The following ADAMTS18 variants were observed in gnomAD, a reference collection of about 807,000 sequenced individuals.
ADAMTS18 encodes the protein A disintegrin and metalloproteinase with thrombospondin motifs 18.
In ADAMTS18, 157 loss-of-function variants were observed where a neutral mutation model predicts 165.9. The observed-to-expected ratio is 0.95, with a 90% confidence interval of 0.83 to 1.08. The LOEUF (loss-of-function observed/expected upper bound fraction) is 1.08. ADAMTS18 is among the 50% of genes least tolerant of loss of function. The probability of loss-of-function intolerance (pLI) is 0.00; values close to 1 mark genes in which losing one functional copy is unlikely to be tolerated. For synonymous variants in ADAMTS18, 782 were observed against 578.2 expected, an observed-to-expected ratio of 1.35 and a Z score of -5.06; for missense variants, 2,040 against 1,534.0, an observed-to-expected ratio of 1.33 and a Z score of -5.51.
intron 4 of ADAMTS18, among the ~76,000 whole-genome samples, chr16:77,366,720 C>G (rs147814804): frequency 2.6e-5 from 4 of 152,278 alleles, no homozygotes; most frequent in African/African-American, 9.6e-5. Flanking sequence ...AATTTATCAT[C>G]TGAATCGACT....
rs1239010585 is a variant in ADAMTS18, at chr16:77,431,345, T to C, written c.445A>G (p.Ile149Val). 6.2e-7 allele frequency: 1 copy of C among 1,614,152 alleles called. No individual in the cohort carries two copies. The highest frequency in any genetic ancestry group is 1.1e-5 in the South Asian group (1 of 91,076). ...EVQQCFYQGF[I>V]RNDSSSSVAV... ...ACAGAGGAGGAGCTGTCATTTCTGA[T>C]AAATCCCTGATAGAAGCATTGCTGC... Residue 149 changes from isoleucine to valine, a missense_variant, in exon 3 of 23, where the codon ATC becomes GTC. Transcript: ENST00000282849.
chr16:77,348,684 T>C (rs2056512159), intron 10 of ADAMTS18, among the ~76,000 whole-genome samples: 1 of 152,170 alleles, frequency 6.6e-6, no homozygotes, highest in African/African-American at 2.4e-5. Flanking sequence ...GAGTATCTGA[T>C]ATGACATCCA....
Position 77,297,449 on chromosome 16 carries a change from TAC to T in ADAMTS18, c.2675-36_2675-35del. On this transcript the variant is annotated intron_variant, in intron 17 of 22. Transcript: ENST00000282849. ...ACATCAGAAGTGACAAAGTGAAAAT[TAC>T]AGATTATTATTTCAATTTGGTTCTA... The T allele has an allele frequency of 2.5e-6, 4 of 1,590,092 alleles. No individual in the cohort carries two copies. The South Asian group carries it at 3.3e-5, about 13-fold the overall frequency.
intron 11 of ADAMTS18, among the ~76,000 whole-genome samples, chr16:77,338,370 G>A (rs2056344073): frequency 1.3e-5 from 2 of 151,928 alleles, no homozygotes; most frequent in Non-Finnish European, 2.9e-5. Flanking sequence ...GGAGTAGCTG[G>A]GATTACTGGC....
chr16:77,313,684 C>A (rs1004823143), intron 16 of ADAMTS18, among the ~76,000 whole-genome samples: 1 of 152,068 alleles, frequency 6.6e-6, no homozygotes, highest in Non-Finnish European at 1.5e-5. Context: ...ATGCATGTAC[C>A]CCTGTTTCCC....
rs553802261 is a variant in ADAMTS18 at position 77,334,607 on chromosome 16, CTATAGTA to C, written c.1859+1142_1859+1148del. 7.9e-3 allele frequency among the ~76,000 whole-genome samples: 859 copies of C among 108,524 alleles called. 12 individuals carry two copies. The highest frequency in any genetic ancestry group is 0.031 in the African/African-American group (808 of 26,398). The allele number at this position is 108,524 out of a possible 152,430, so 71.2% of individuals were successfully genotyped here. ...TATAGTATATAGTATATATATACTA[CTATAGTA>C]TATAGTATATATACTATAGTATATA... On this transcript the variant is annotated intron_variant, in intron 12 of 22. Coordinates refer to ENST00000282849, the MANE Select transcript of ADAMTS18 (RefSeq NM_199355.4).
rs2055427441 is a variant in ADAMTS18, at chr16:77,294,472, G to A, written c.3006+451C>T. Among the ~76,000 whole-genome samples the A allele has an allele frequency of 2.0e-5, 3 of 152,146 alleles. No homozygotes were observed. The South Asian group carries it at 6.2e-4, about 32-fold the overall frequency. ...GTCCCTTCTAACTTTAAAATTTTAT[G>A]GCTTTCACTGGGAATTTGTGACCAT... On this transcript the variant is annotated intron_variant, in intron 19 of 22. Coordinates refer to ENST00000282849, the MANE Select transcript of ADAMTS18 (RefSeq NM_199355.4).
rs969719152 is a variant in ADAMTS18, at chr16:77,434,770, C to T, written c.-75G>A. On this transcript the variant is annotated 5_prime_UTR_variant, in exon 1 of 23. Coordinates refer to ENST00000282849, the MANE Select transcript of ADAMTS18 (RefSeq NM_199355.4). ...GCGCACGGGCGGCGCGCATTCTTTC[C>T]GCGGCCCCGGAGCTCGGCGCCCCAG... 1 of 1,259,280 alleles carries T rather than the reference C, an allele frequency of 7.9e-7. No individual in the cohort carries two copies. The highest frequency in any genetic ancestry group is 3.3e-5 in the East Asian group (1 of 30,136). The allele number at this position is 1,259,280 out of a possible 1,614,324, so 78.0% of individuals were successfully genotyped here.
At chr16:77,330,497 C>T (rs930402553) in intron 12 of ADAMTS18, among the ~76,000 whole-genome samples, 11 of 152,142 alleles carry the variant, frequency 7.2e-5, no homozygotes, top group Non-Finnish European at 1.5e-5. Flanking sequence ...CCCCTGGTTA[C>T]TCATCTGTGA....
At chr16:77,382,238 A>T (rs898339072) in intron 3 of ADAMTS18, among the ~76,000 whole-genome samples, 2 of 152,102 alleles carry the variant, frequency 1.3e-5, no homozygotes, top group African/African-American at 4.8e-5. Context: ...TTTGAGACAG[A>T]GTCGCTCTGT....
At chr16:77,373,091 C>G (rs1156842682) in intron 3 of ADAMTS18, among the ~76,000 whole-genome samples, 1 of 152,040 alleles carries the variant, frequency 6.6e-6, no homozygotes, top group African/African-American at 2.4e-5. Flanking sequence ...TTTTCTTTCC[C>G]CTACAGTCTT....
intron 3 of ADAMTS18, among the ~76,000 whole-genome samples, chr16:77,397,671 A>G (rs1567539745): frequency 6.6e-6 from 1 of 152,262 alleles, no homozygotes; most frequent in Non-Finnish European, 1.5e-5. Flanking sequence ...GATGATTGCA[A>G]ACTGGTAGCA....
At chr16:77,411,483 G>T (rs1425773375) in intron 3 of ADAMTS18, among the ~76,000 whole-genome samples, 2 of 152,094 alleles carry the variant, frequency 1.3e-5, no homozygotes, top group East Asian at 3.9e-4. Flanking sequence ...CATTATTTTG[G>T]AGTTCATACA....
intron 12 of ADAMTS18, 39 bp from the exon 13 acceptor site, chr16:77,326,077 A>T (rs1311252525): frequency 6.3e-7 from 1 of 1,589,158 alleles, no homozygotes; most frequent in African/African-American, 1.3e-5. Context: ...TTAGTAATCA[A>T]AGGGCTCATT....
chr16:77,361,531 T>G (rs952869676), intron 7 of ADAMTS18, among the ~76,000 whole-genome samples: 57 of 152,298 alleles, frequency 3.7e-4, no homozygotes, highest in African/African-American at 1.4e-3. Context: ...CAGAATAACC[T>G]ACAAGTTTCT....
In ADAMTS18 at chr16:77,364,389, G is replaced by A; in HGVS notation, c.779-8C>T. On this transcript the variant is annotated splice_polypyrimidine_tract_variant and splice_region_variant and intron_variant, in intron 4 of 22. Coordinates refer to ENST00000282849, the MANE Select transcript of ADAMTS18 (RefSeq NM_199355.4). ...TGGGAGGCTTGGGAGCATCTACGAT[G>A]AACAGAAGAGCATTTGGAAGGGATA... 1 of 1,613,238 alleles carries A rather than the reference G, an allele frequency of 6.2e-7. No homozygotes were observed. Among genetic ancestry groups the A allele is most frequent in the South Asian group, 1.1e-5 (1 of 90,994 alleles).
At chr16:77,303,452 A>C (rs2055623708) in intron 16 of ADAMTS18, among the ~76,000 whole-genome samples, 1 of 152,214 alleles carries the variant, frequency 6.6e-6, no homozygotes, top group Non-Finnish European at 1.5e-5. Flanking sequence ...TTTAGGCCAA[A>C]ATAAAAACTT....
intron 3 of ADAMTS18, among the ~76,000 whole-genome samples, chr16:77,415,177 G>C (rs1371600169): frequency 6.6e-6 from 1 of 152,212 alleles, no homozygotes; most frequent in Non-Finnish European, 1.5e-5. Context: ...TAGGCAAATT[G>C]CCCATTGCGT....
chr16:77,293,406 C>G (rs1175850457), intron 19 of ADAMTS18, 148 bp from the exon 20 acceptor site: 1 of 694,816 alleles, frequency 1.4e-6, no homozygotes, highest in Non-Finnish European at 2.5e-6. Flanking sequence ...ACTTAACCAC[C>G]CCCATTCCCA....
Sources: gnomAD v4.1 joint callset for allele counts (sites outside exome capture counted in the v4.1 genomes callset) on GRCh38, gnomAD v4.1.1 for gene constraint, MANE v1.5 for transcripts, NCBI Gene and HGNC (gene_info 2026-07-23, HGNC 2026-07-21) for gene names.